Variants in EZH2 observed in about 807,000 individuals in gnomAD.
EZH2 encodes the protein enhancer of zeste 2 polycomb repressive complex 2 subunit.
In EZH2, 18 loss-of-function variants were observed where a neutral mutation model predicts 98.4. The observed-to-expected ratio is 0.18, with a 90% CI of 0.13 to 0.27. EZH2 has a LOEUF of 0.27. Among genes scored for constraint, EZH2 ranks in the 10% least tolerant of loss-of-function variants. The pLI is 1.00. For synonymous variants in EZH2, 338 were observed against 312.3 expected (o/e 1.08, Z -0.87); for missense variants, 470 against 935.1 (o/e 0.50, Z 6.49).
chr7:148,878,690 G>A (rs976554301), intron 1 of EZH2, among the ~76,000 whole-genome samples: 1 of 152,104 alleles, frequency 6.6e-6, no homozygotes, highest in African/African-American at 2.4e-5. Context: ...CTTGAGTTCA[G>A]GAGTTCAAGA....
intron 1 of EZH2, among the ~76,000 whole-genome samples, chr7:148,880,748 A>C (rs1820833363): frequency 6.6e-6 from 1 of 152,198 alleles, no homozygotes; most frequent in Admixed American, 6.5e-5. Context: ...TTATTTCCCT[A>C]CATTTTTCAT....
At chr7:148,849,780 G>C (rs570634207) in intron 1 of EZH2, among the ~76,000 whole-genome samples, 2 of 152,162 alleles carry the variant, frequency 1.3e-5, no homozygotes, top group Non-Finnish European at 2.9e-5. Context: ...GTTAACAGAT[G>C]AACTCAACTA....
chr7:148,835,268 A>T (rs1810577113), intron 3 of EZH2, among the ~76,000 whole-genome samples: 1 of 151,982 alleles, frequency 6.6e-6, no homozygotes, highest in Non-Finnish European at 1.5e-5. Flanking sequence ...AAAAACACAC[A>T]AAAAATTAGC....
chr7:148,837,816 T>TG (rs1233468425), intron 3 of EZH2, among the ~76,000 whole-genome samples: 3 of 152,230 alleles, frequency 2.0e-5, no homozygotes, highest in Non-Finnish European at 4.4e-5. Flanking sequence ...AATCAAGTGT[T>TG]GGAGTTAAGA....
At chr7:148,821,403 G>A (rs1584960804) in intron 8 of EZH2, among the ~76,000 whole-genome samples, 1 of 152,260 alleles carries the variant, frequency 6.6e-6, no homozygotes, top group Admixed American at 6.5e-5. Flanking sequence ...CAAAAAGAGA[G>A]GTGATGGTAT....
At chr7:148,861,258 A>AC (rs1367049723) in intron 1 of EZH2, among the ~76,000 whole-genome samples, 1 of 144,458 alleles carries the variant, frequency 6.9e-6, no homozygotes, top group East Asian at 2.0e-4. Context: ...ACAGAGTCTC[A>AC]CTCTGTCACC....
chr7:148,871,403 T>TAAAAAAAAAAAAAACAAAAAAAA (rs1819365142), intron 1 of EZH2, among the ~76,000 whole-genome samples: 1 of 88,752 alleles, frequency 1.1e-5, no homozygotes, highest in Non-Finnish European at 2.2e-5. Context: ...GACGAATAAT[T>TAAAAAAAAAAAAAACAAAAAAAA]AAAAAAAAAA....
At chr7:148,875,411 T>C (rs1820038220) in intron 1 of EZH2, among the ~76,000 whole-genome samples, 1 of 152,090 alleles carries the variant, frequency 6.6e-6, no homozygotes. Context: ...AAAGACCTCT[T>C]GCCACTCAAC....
intron 3 of EZH2, among the ~76,000 whole-genome samples, chr7:148,839,527 TG>T (rs35484227): frequency 0.24 from 32,280 of 134,286 alleles, 3,849 homozygotes; most frequent in East Asian, 0.31. Flanking sequence ...AACATCAAAA[TG>T]GGGGGGGGGC....
At chr7:148,873,447 C>A (rs10246700) in intron 1 of EZH2, among the ~76,000 whole-genome samples, 19 of 145,762 alleles carry the variant, frequency 1.3e-4, no homozygotes, top group Middle Eastern at 3.5e-3. Flanking sequence ...AGCCAAGATC[C>A]TGCCACTGCA....
chr7:148,858,513 T>A (rs775237370), intron 1 of EZH2, among the ~76,000 whole-genome samples: 2 of 151,866 alleles, frequency 1.3e-5, no homozygotes, highest in African/African-American at 2.4e-5. Context: ...AACTCCCAAA[T>A]ATAATTCTAC....
intron 1 of EZH2, among the ~76,000 whole-genome samples, chr7:148,861,680 A>C (rs1817685114): frequency 1.3e-5 from 2 of 152,112 alleles, no homozygotes; most frequent in African/African-American, 4.8e-5. Context: ...AAAAAAAATT[A>C]GTGAGTGAGG....
chr7:148,851,842 G>A (rs1242322142), intron 1 of EZH2, among the ~76,000 whole-genome samples: 1 of 152,162 alleles, frequency 6.6e-6, no homozygotes, highest in Non-Finnish European at 1.5e-5. Context: ...CTGCACTCCA[G>A]CCTAGGTGAC....
At chr7:148,809,677 AT>A (rs1213942455) in intron 17 of EZH2, among the ~76,000 whole-genome samples, 1 of 148,856 alleles carries the variant, frequency 6.7e-6, no homozygotes, top group African/African-American at 2.5e-5. Flanking sequence ...AAAAAAAAAA[AT>A]CTGACAAAAT....
At position 148,835,863 on chromosome 7, in the gene EZH2, A is replaced by G. The variant is rs138649238; in HGVS notation, c.247-3113T>C. On this transcript the variant is annotated intron_variant, in intron 3 of 19. Transcript: ENST00000320356. ...AAGGAGCATTGGCTTTGCTTCATCTATGGTTGCTCTAGTGATACAGCAAAT... is the reference window on the plus strand; with the variant it reads ...AAGGAGCATTGGCTTTGCTTCATCTGTGGTTGCTCTAGTGATACAGCAAAT... 2.1e-3 allele frequency among the ~76,000 whole-genome samples: 321 copies of G among 152,310 alleles called. 2 individuals carry two copies. The highest frequency in any genetic ancestry group is 7.1e-3 in the African/African-American group (296 of 41,566).
chr7:148,835,087 G>A (rs909537827), intron 3 of EZH2, among the ~76,000 whole-genome samples: 1 of 152,170 alleles, frequency 6.6e-6, no homozygotes, highest in African/African-American at 2.4e-5. Context: ...TGCTCATGGG[G>A]TAAAATAACA....
At position 148,808,936 on chromosome 7, in the gene EZH2, C is replaced by T. The variant is rs1229404267; in HGVS notation, c.2195+135G>A. ...ATAAATACATAACAGGAAAGTGTAACCTAATTCCCCACTAATGCTCATGGC... is the reference window on the plus strand; with the variant it reads ...ATAAATACATAACAGGAAAGTGTAATCTAATTCCCCACTAATGCTCATGGC... On this transcript the variant is annotated intron_variant, in intron 19 of 19. Transcript: ENST00000320356. 3 of 651,486 alleles carry T rather than the reference C, an allele frequency of 4.6e-6. No individual in the cohort carries two copies. The Admixed American group carries it at 8.3e-5, about 18-fold the overall frequency. 40.4% of individuals were successfully genotyped at this position (651,486 alleles called of 1,614,324 possible). A position where few individuals can be genotyped will look rare whatever the true frequency, so the allele number is the denominator to read the frequency against.
At chr7:148,829,962 T>A in intron 4 of EZH2, 114 bp from the exon 5 acceptor site, 2 of 672,476 alleles carry the variant, frequency 3.0e-6, no homozygotes, top group Non-Finnish European at 4.5e-6. Context: ...TCTCCAGATT[T>A]AAAATACTAG....
chr7:148,835,639 C>A (rs1810709554), intron 3 of EZH2, among the ~76,000 whole-genome samples: 2 of 151,618 alleles, frequency 1.3e-5, no homozygotes, highest in African/African-American at 4.8e-5. Context: ...AAACAATTTT[C>A]ATTTCTTAAA....
Sources: allele counts gnomAD v4.1 joint callset (sites outside exome capture counted in the v4.1 genomes callset), GRCh38; gene constraint gnomAD v4.1.1; transcripts MANE v1.5; gene names NCBI Gene and HGNC (gene_info 2026-07-23, HGNC 2026-07-21).